NT5DC1: variants seen among roughly 807,000 people sequenced by gnomAD.
NT5DC1 encodes 5'-nucleotidase domain-containing protein 1.
In NT5DC1, 42 loss-of-function variants were observed where a neutral mutation model predicts 59.4. The observed-to-expected ratio is 0.71, with a 90% CI of 0.55 to 0.92. The LOEUF is 0.92. Among genes scored for constraint, NT5DC1 ranks in the 40% least tolerant of loss-of-function variants. The pLI, the probability that NT5DC1 is intolerant of heterozygous loss-of-function variation, is 0.00. For synonymous variants in NT5DC1, 172 were observed against 188.1 expected (o/e 0.91, Z 0.70); for missense variants, 501 against 537.1 (o/e 0.93, Z 0.66).
intron 6 of NT5DC1, among the ~76,000 whole-genome samples, chr6:116,148,624 T>G (rs1238859456): frequency 2.6e-5 from 4 of 151,978 alleles, no homozygotes; most frequent in African/African-American, 7.2e-5. Flanking sequence ...GAACATCAGG[T>G]TTTTTTTGGT....
At chr6:116,144,818 C>A (rs1397670487) in intron 6 of NT5DC1, among the ~76,000 whole-genome samples, 3 of 152,088 alleles carry the variant, frequency 2.0e-5, no homozygotes, top group Non-Finnish European at 2.9e-5. Flanking sequence ...TTCACCACAT[C>A]CCAGCCACAA....
At chr6:116,205,105 A>G (rs540471371) in intron 6 of NT5DC1, among the ~76,000 whole-genome samples, 1 of 152,106 alleles carries the variant, frequency 6.6e-6, no homozygotes, top group South Asian at 2.1e-4. Flanking sequence ...ATGGGTTCTT[A>G]GTTTCTGTTT....
chr6:116,132,444 GTTTA>G (rs1019736109), intron 6 of NT5DC1, among the ~76,000 whole-genome samples: 17 of 149,922 alleles, frequency 1.1e-4, no homozygotes, highest in African/African-American at 3.7e-4. Flanking sequence ...ATTTTTCCCA[GTTTA>G]TTTGTCTTTT....
chr6:116,198,840 C>T (rs1340966724), intron 6 of NT5DC1, among the ~76,000 whole-genome samples: 1 of 151,978 alleles, frequency 6.6e-6, no homozygotes, highest in African/African-American at 2.4e-5. Context: ...CTCATGAGGT[C>T]ACAGAATGAG....
At chr6:116,207,037 A>G (rs1321111217) in intron 6 of NT5DC1, among the ~76,000 whole-genome samples, 1 of 151,978 alleles carries the variant, frequency 6.6e-6, no homozygotes, top group African/African-American at 2.4e-5. Context: ...CTTATGTCAT[A>G]TGCTTTCTTA....
intron 6 of NT5DC1, among the ~76,000 whole-genome samples, chr6:116,188,516 G>A (rs2114487569): frequency 6.6e-6 from 1 of 151,900 alleles, no homozygotes. Flanking sequence ...GAAAATGAGA[G>A]AGAAAAAGCC....
At chr6:116,185,005 T>C (rs1780965220) in intron 6 of NT5DC1, among the ~76,000 whole-genome samples, 1 of 151,694 alleles carries the variant, frequency 6.6e-6, no homozygotes, top group Non-Finnish European at 1.5e-5. Context: ...TTTGATGCTG[T>C]GAACTTCCCT....
At chr6:116,241,324 T>TA (rs1771711340) in intron 11 of NT5DC1, among the ~76,000 whole-genome samples, 2 of 152,028 alleles carry the variant, frequency 1.3e-5, no homozygotes, top group South Asian at 2.1e-4. Context: ...AGTATATGAA[T>TA]AAAAAATGAA....
chr6:116,236,994 A>G lies in NT5DC1; in HGVS notation c.831A>G (p.Pro277=), dbSNP rs756702027. The G allele has an allele frequency of 6.8e-6, 11 of 1,609,764 alleles. No homozygotes were observed. In the Admixed American group the frequency reaches 1.8e-4, roughly 27 times the overall value. ...ATGATGAGGAGCAGGAGGCACTGCC[A>G]TCTCTGGATAAACCTGGCTGGTACT... ...LENDEEQEAL[P]SLDKPGWYSQ... The change falls in exon 9 of 12, where the codon CCA becomes CCG. Residue 277 remains proline (P), a synonymous_variant. Transcript: ENST00000319550.
rs779981230 is a variant in NT5DC1 at position 116,223,151 on chromosome 6, T to C, written c.802+20T>C. On this transcript the variant is annotated intron_variant, in intron 8 of 11. Coordinates refer to ENST00000319550, the MANE Select transcript of NT5DC1 (RefSeq NM_152729.3). ...CACTCGGTAAGTTACATTTGGTTTC[T>C]TTCTTTTCCTGTATACAGTTGGCTA... is the stretch of plus-strand genomic sequence containing the variant. The C allele has an allele frequency of 1.4e-5, 19 of 1,353,872 alleles. No homozygotes were observed. The highest frequency in any genetic ancestry group is 2.0e-5 in the Non-Finnish European group (19 of 945,994). The allele number at this position is 1,353,872 out of a possible 1,614,324, so 83.9% of individuals were successfully genotyped here.
intron 1 of NT5DC1, among the ~76,000 whole-genome samples, chr6:116,104,478 T>C (rs1393349023): frequency 6.6e-6 from 1 of 152,216 alleles, no homozygotes; most frequent in Non-Finnish European, 1.5e-5. Flanking sequence ...AGCTGGCTCT[T>C]AGGGGCTTGT....
intron 1 of NT5DC1, among the ~76,000 whole-genome samples, chr6:116,103,938 G>T (rs767187767): frequency 6.6e-6 from 1 of 152,094 alleles, no homozygotes; most frequent in Non-Finnish European, 1.5e-5. Flanking sequence ...ATTTACCTAG[G>T]CATTTTTAAA....
chr6:116,121,694 G>A, intron 6 of NT5DC1: 3 of 1,613,712 alleles, frequency 1.9e-6, no homozygotes, highest in Non-Finnish European at 1.7e-6. Flanking sequence ...AGGTGGTCCT[G>A]GTGGGCCCCG....
chr6:116,153,307 TACAC>T (rs1180064982), intron 6 of NT5DC1, among the ~76,000 whole-genome samples: 1 of 149,120 alleles, frequency 6.7e-6, no homozygotes, highest in East Asian at 1.9e-4. Flanking sequence ...ATCATGTTCT[TACAC>T]AGACTGCCCA....
At chr6:116,172,395 C>T (rs1179350464) in intron 6 of NT5DC1, among the ~76,000 whole-genome samples, 5 of 143,834 alleles carry the variant, frequency 3.5e-5, no homozygotes, top group South Asian at 4.4e-4. Context: ...AATCTTGGCT[C>T]GCTGCAACCT....
At chr6:116,224,615 G>A (rs1187427860) in intron 8 of NT5DC1, among the ~76,000 whole-genome samples, 1 of 152,166 alleles carries the variant, frequency 6.6e-6, no homozygotes, top group African/African-American at 2.4e-5. Flanking sequence ...CCTGGCAGTG[G>A]ATCAAATGAA....
chr6:116,123,398 T>A, intron 6 of NT5DC1, among the ~76,000 whole-genome samples: 1 of 152,202 alleles, frequency 6.6e-6, no homozygotes, highest in East Asian at 1.9e-4. Flanking sequence ...TTTTCTTCAT[T>A]CAAGATTAGG....
intron 6 of NT5DC1, among the ~76,000 whole-genome samples, chr6:116,182,838 T>C (rs1011163964): frequency 2.6e-5 from 4 of 152,142 alleles, no homozygotes; most frequent in Non-Finnish European, 4.4e-5. Flanking sequence ...CTCTGTGGGT[T>C]GTCTGTTTAC....
At chr6:116,136,166 C>T (rs1239348265) in intron 6 of NT5DC1, among the ~76,000 whole-genome samples, 1 of 152,022 alleles carries the variant, frequency 6.6e-6, no homozygotes, top group Non-Finnish European at 1.5e-5. Context: ...TTAGGTTACA[C>T]GTATGAGTGA....
Sources: gnomAD v4.1 joint callset for allele counts (sites outside exome capture counted in the v4.1 genomes callset) on GRCh38, gnomAD v4.1.1 for gene constraint, MANE v1.5 for transcripts, NCBI Gene and HGNC (gene_info 2026-07-23, HGNC 2026-07-21) for gene names.